Variants in COMMD1 observed in about 807,000 individuals in gnomAD.
COMMD1 encodes COMM domain-containing protein 1.
In COMMD1, 10 loss-of-function variants were observed where a neutral mutation model predicts 17.2. The observed-to-expected ratio is 0.58, with a 90% CI of 0.36 to 0.99. The LOEUF is 0.99. Ranked by LOEUF, COMMD1 falls within the 50% of genes least tolerant of loss-of-function variation. The probability of loss-of-function intolerance (pLI) is 0.01; values close to 1 mark genes in which losing one functional copy is unlikely to be tolerated. For synonymous variants in COMMD1, 97 were observed against 91.6 expected, an observed-to-expected ratio of 1.06 and a Z score of -0.34; for missense variants, 270 against 231.8, an observed-to-expected ratio of 1.17 and a Z score of -1.07.
At chr2:61,919,032 A>G (rs1198427237) in intron 1 of COMMD1, among the ~76,000 whole-genome samples, 1 of 150,928 alleles carries the variant, frequency 6.6e-6, no homozygotes, top group African/African-American at 2.4e-5. Context: ...TTCTTTTGAG[A>G]TGGAGTTTTG....
At chr2:61,924,848 C>T (rs1222462279) in intron 1 of COMMD1, among the ~76,000 whole-genome samples, 1 of 152,074 alleles carries the variant, frequency 6.6e-6, no homozygotes, top group Non-Finnish European at 1.5e-5. Flanking sequence ...AAGAGACTGT[C>T]GGTGACGAAG....
In COMMD1 at chr2:61,907,174, C is replaced by T. The variant is rs187888159; in HGVS notation, c.180+1316C>T. On this transcript the variant is annotated intron_variant, in intron 1 of 2. Coordinates refer to ENST00000311832, the MANE Select transcript of COMMD1 (RefSeq NM_152516.4). ...AGGCTGGAGTGCAGTGGCCCGATCTCGGCTCACTGCAATCTCCACCTCCTG... is the reference window on the plus strand; with the variant it reads ...AGGCTGGAGTGCAGTGGCCCGATCTTGGCTCACTGCAATCTCCACCTCCTG... 6.4e-4 allele frequency among the ~76,000 whole-genome samples: 97 copies of T among 152,258 alleles called. 1 individual carries two copies. The Middle Eastern group carries it at 0.01, about 16-fold the overall frequency.
chr2:61,944,760 G>A (rs951500880), intron 1 of COMMD1, among the ~76,000 whole-genome samples: 2 of 152,134 alleles, frequency 1.3e-5, no homozygotes, highest in Non-Finnish European at 2.9e-5. Flanking sequence ...AAGAAAACAG[G>A]ACATCCCAAA....
intron 1 of COMMD1, among the ~76,000 whole-genome samples, chr2:61,979,905 G>A (rs1436432707): frequency 4.5e-5 from 5 of 112,332 alleles, no homozygotes; most frequent in Non-Finnish European, 5.4e-5. Context: ...CCCCTCCCCC[G>A]ACCCCACCAC....
intron 2 of COMMD1, among the ~76,000 whole-genome samples, chr2:62,126,288 G>T (rs1271853054): frequency 2.0e-5 from 3 of 152,184 alleles, no homozygotes; most frequent in Non-Finnish European, 4.4e-5. Context: ...TATATACCCA[G>T]TAAGGGGATT....
intron 1 of COMMD1, among the ~76,000 whole-genome samples, chr2:61,994,452 C>T (rs543947606): frequency 6.6e-6 from 1 of 152,174 alleles, no homozygotes; most frequent in South Asian, 2.1e-4. Context: ...AAATGAAAGA[C>T]AGCTTGTTTT....
intron 1 of COMMD1, among the ~76,000 whole-genome samples, chr2:61,963,190 T>TATACAC (rs1280301014): frequency 7.3e-6 from 1 of 136,378 alleles, no homozygotes; most frequent in African/African-American, 2.9e-5. Context: ...ATATATTATA[T>TATACAC]ACACACACAC....
chr2:62,115,048 A>G (rs1430792618), intron 2 of COMMD1, among the ~76,000 whole-genome samples: 1 of 152,186 alleles, frequency 6.6e-6, no homozygotes, highest in African/African-American at 2.4e-5. Flanking sequence ...AAAAAATCAG[A>G]GGTGTAAGAC....
chr2:62,002,271 A>C (rs1265678524), intron 2 of COMMD1, among the ~76,000 whole-genome samples: 3 of 151,968 alleles, frequency 2.0e-5, no homozygotes, highest in Admixed American at 1.3e-4. Context: ...TGGGTGGATC[A>C]CCTGAGGTCA....
intron 2 of COMMD1, among the ~76,000 whole-genome samples, chr2:62,123,862 G>A (rs1450575193): frequency 6.6e-6 from 1 of 151,966 alleles, no homozygotes; most frequent in Non-Finnish European, 1.5e-5. Flanking sequence ...TCTCCTGGGA[G>A]TATTTATGTG....
At chr2:61,957,084 A>ATGTGTGTG (rs1046474516) in intron 1 of COMMD1, among the ~76,000 whole-genome samples, 2 of 87,824 alleles carry the variant, frequency 2.3e-5, no homozygotes, top group African/African-American at 4.4e-5. Context: ...AGGAAGATGG[A>ATGTGTGTG]TGCGTGTGTG....
chr2:62,062,133 A>G lies in COMMD1; in HGVS notation c.462+61151A>G, dbSNP rs565675003. 4.6e-5 allele frequency among the ~76,000 whole-genome samples: 7 copies of G among 151,766 alleles called. No homozygotes were observed. In the South Asian group the frequency reaches 8.3e-4, roughly 18 times the overall value. On this transcript the variant is annotated intron_variant, in intron 2 of 2. Transcript: ENST00000311832. ...TGTATGATCTGGACAAATGACATTA[A>G]CTCTTTCTAACCTTGATTTTCTCAT...
intron 1 of COMMD1, among the ~76,000 whole-genome samples, chr2:61,957,417 A>C (rs926919238): frequency 9.2e-5 from 14 of 152,206 alleles, no homozygotes; most frequent in African/African-American, 3.4e-4. Flanking sequence ...ATTTGAATAA[A>C]GTCCTATCTT....
In COMMD1 at chr2:61,977,862, G is replaced by A. The variant is rs570360846; in HGVS notation, c.181-22839G>A. ...ATTAGCCCAGGGGGTGGTGGTGTGTGCCTGTAATCCCGGCTACTAAGGAGG... is the reference window on the plus strand; with the variant it reads ...ATTAGCCCAGGGGGTGGTGGTGTGTACCTGTAATCCCGGCTACTAAGGAGG... On this transcript the variant is annotated intron_variant, in intron 1 of 2. Coordinates refer to ENST00000311832, the MANE Select transcript of COMMD1 (RefSeq NM_152516.4). 1.6e-4 allele frequency among the ~76,000 whole-genome samples: 24 copies of A among 151,686 alleles called. No homozygotes were observed. In the South Asian group the frequency reaches 4.8e-3, roughly 30 times the overall value.
At chr2:61,956,871 C>T (rs1671211764) in intron 1 of COMMD1, among the ~76,000 whole-genome samples, 1 of 152,056 alleles carries the variant, frequency 6.6e-6, no homozygotes, top group Non-Finnish European at 1.5e-5. Context: ...CTGCCTCAGC[C>T]TCCCAAGTAG....
intron 1 of COMMD1, among the ~76,000 whole-genome samples, chr2:61,954,043 C>T (rs1269451588): frequency 6.6e-6 from 1 of 152,004 alleles, no homozygotes; most frequent in East Asian, 1.9e-4. Context: ...CATCGTGAAA[C>T]CCCATCTCTA....
intron 2 of COMMD1, among the ~76,000 whole-genome samples, chr2:62,042,070 T>C (rs1420778502): frequency 6.6e-6 from 1 of 152,190 alleles, no homozygotes; most frequent in East Asian, 1.9e-4. Flanking sequence ...GATTGGTCCA[T>C]TTTACAGAGC....
intron 2 of COMMD1, among the ~76,000 whole-genome samples, chr2:62,115,319 A>G (rs1220752823): frequency 1.3e-5 from 2 of 152,248 alleles, no homozygotes; most frequent in Non-Finnish European, 2.9e-5. Context: ...ATAGTGTGCA[A>G]TATTTCTCAC....
intron 2 of COMMD1, among the ~76,000 whole-genome samples, chr2:62,068,620 CTTTTTTTTT>C (rs67517468): frequency 2.4e-4 from 21 of 89,240 alleles, no homozygotes; most frequent in African/African-American, 3.9e-4. Flanking sequence ...GTAGTATAAT[CTTTTTTTTT>C]TTTTTTTTTT....
Sources: gnomAD v4.1 joint callset for allele counts (sites outside exome capture counted in the v4.1 genomes callset) on GRCh38, gnomAD v4.1.1 for gene constraint, MANE v1.5 for transcripts, NCBI Gene and HGNC (gene_info 2026-07-23, HGNC 2026-07-21) for gene names.